The following ZFAT variants were observed in gnomAD, a reference collection of about 807,000 sequenced individuals.
The protein encoded by ZFAT is zinc finger and AT-hook domain containing.
ZFAT carries 64 observed loss-of-function variants against 117.7 expected under a neutral mutation model. That is an observed-to-expected ratio of 0.54 (90% CI 0.44 to 0.67). The LOEUF is 0.67. Ranked by LOEUF, ZFAT falls within the 30% of genes least tolerant of loss-of-function variation. ZFAT has a pLI of 0.00. For missense variants in ZFAT, 1,433 were observed against 1,584.5 expected, an observed-to-expected ratio of 0.90 and a Z score of 1.62; for synonymous variants, 679 against 615.0, an observed-to-expected ratio of 1.10 and a Z score of -1.54.
intron 1 of ZFAT, among the ~76,000 whole-genome samples, chr8:134,699,526 A>G (rs1378715853): frequency 6.6e-6 from 1 of 152,122 alleles, no homozygotes; most frequent in Admixed American, 6.5e-5. Flanking sequence ...ATTAAATTAA[A>G]TGAGGTAGGG....
chr8:134,696,922 T>G, intron 1 of ZFAT, among the ~76,000 whole-genome samples: 1 of 148,802 alleles, frequency 6.7e-6, no homozygotes, highest in East Asian at 2.0e-4. Flanking sequence ...ATCCAACAAT[T>G]TTTTTTTTTT....
intron 13 of ZFAT, among the ~76,000 whole-genome samples, chr8:134,518,171 T>A (rs1317039736): frequency 6.6e-6 from 1 of 152,200 alleles, no homozygotes; most frequent in Non-Finnish European, 1.5e-5. Context: ...TCCTTCTACA[T>A]TTATTAATCA....
intron 1 of ZFAT, among the ~76,000 whole-genome samples, chr8:134,697,705 C>T (rs1453124312): frequency 2.0e-4 from 30 of 149,332 alleles, no homozygotes; most frequent in Admixed American, 1.9e-3. Flanking sequence ...CCAGCCTGGG[C>T]GACAGAGCGA....
rs566334464 is a variant in ZFAT at position 134,602,276 on chromosome 8, G to A, written c.1443C>T (p.His481=). Reference sequence around the variant, plus strand: ...AGACCAAGGCCTCCTGGGCAGCCCCGTGCACCTCTTTGATGTGGGTGCGCA... The same window carrying A: ...AGACCAAGGCCTCCTGGGCAGCCCCATGCACCTCTTTGATGTGGGTGCGCA... ...IRLRTHIKEV[H]GAAQEALVFT... The change falls in exon 6 of 16, where the codon CAC becomes CAT. Residue 481 remains histidine, a synonymous_variant. Transcript: ENST00000377838. 7.9e-5 allele frequency: 128 copies of A among 1,613,862 alleles called. 2 individuals carry two copies. In the South Asian group the frequency reaches 1.0e-3, roughly 13 times the overall value.
chr8:134,592,839 A>C (rs1314394038), intron 7 of ZFAT, among the ~76,000 whole-genome samples: 1 of 152,210 alleles, frequency 6.6e-6, no homozygotes, highest in Non-Finnish European at 1.5e-5. Flanking sequence ...AACCAAAACC[A>C]AACCAAACCA....
At chr8:134,761,978 C>CTGTGTGTGTGTGTGTG in the ZFAT span, among the ~76,000 whole-genome samples, 1 of 71,204 alleles carries the variant, frequency 1.4e-5, no homozygotes, top group African/African-American at 8.2e-5. Flanking sequence ...CTCTTTCTCT[C>CTGTGTGTGTGTGTGTG]TGTATGTGTG....
the ZFAT span, among the ~76,000 whole-genome samples, chr8:134,811,085 G>A: frequency 1.3e-5 from 2 of 152,076 alleles, no homozygotes; most frequent in Non-Finnish European, 2.9e-5. Flanking sequence ...AGTACACAGG[G>A]ACCAAAAACA....
At chr8:134,623,817 G>A (rs1431902339) in intron 3 of ZFAT, among the ~76,000 whole-genome samples, 2 of 151,480 alleles carry the variant, frequency 1.3e-5, no homozygotes, top group East Asian at 1.9e-4. Flanking sequence ...TTCAGTGCTC[G>A]ACGTCTCTGT....
At chr8:134,795,150 C>T in the ZFAT span, 1 of 152,236 alleles carries the variant, frequency 6.6e-6, no homozygotes, top group African/African-American at 2.4e-5. Context: ...TCCTAAAGCC[C>T]TTGGAATCTC....
intron 1 of ZFAT, among the ~76,000 whole-genome samples, chr8:134,672,692 T>G (rs1832618739): frequency 6.6e-6 from 1 of 152,214 alleles, no homozygotes; most frequent in Non-Finnish European, 1.5e-5. Flanking sequence ...TTTATCATCA[T>G]ATACAATGGA....
chr8:134,671,597 C>T (rs1027402573), intron 1 of ZFAT, among the ~76,000 whole-genome samples: 4 of 152,142 alleles, frequency 2.6e-5, no homozygotes, highest in Non-Finnish European at 4.4e-5. Flanking sequence ...ATTGATGGGA[C>T]GTATCTCAAA....
chr8:134,623,605 G>A (rs1829287914), intron 3 of ZFAT, among the ~76,000 whole-genome samples: 1 of 152,196 alleles, frequency 6.6e-6, no homozygotes, highest in Admixed American at 6.5e-5. Flanking sequence ...CAGGTCCTGT[G>A]AACTGCACTT....
At chr8:134,694,623 T>C (rs1254642389) in intron 1 of ZFAT, among the ~76,000 whole-genome samples, 1 of 152,194 alleles carries the variant, frequency 6.6e-6, no homozygotes, top group Non-Finnish European at 1.5e-5. Context: ...GCCATCCTCC[T>C]AGTTCATTTG....
the ZFAT span, among the ~76,000 whole-genome samples, chr8:134,805,478 T>G: frequency 6.6e-6 from 1 of 152,128 alleles, no homozygotes; most frequent in African/African-American, 2.4e-5. Context: ...TCCAGCTGAT[T>G]TAGGTTAGGG....
chr8:134,641,287 TC>T (rs1311679493), intron 2 of ZFAT, among the ~76,000 whole-genome samples: 1 of 151,910 alleles, frequency 6.6e-6, no homozygotes, highest in African/African-American at 2.4e-5. Context: ...TCCTTCTTCC[TC>T]CCCCTTAACT....
chr8:134,755,817 C>CAAAAAAAA, the ZFAT span, among the ~76,000 whole-genome samples: 26 of 89,942 alleles, frequency 2.9e-4, no homozygotes, highest in African/African-American at 4.6e-4. Flanking sequence ...GACTCCATCT[C>CAAAAAAAA]AAAAAAAAAA....
At chr8:134,816,263 T>C in the ZFAT span, among the ~76,000 whole-genome samples, 2 of 152,200 alleles carry the variant, frequency 1.3e-5, no homozygotes, top group Non-Finnish European at 2.9e-5. Flanking sequence ...ACCTAAAATA[T>C]GAACCTTAAC....
the ZFAT span, among the ~76,000 whole-genome samples, chr8:134,826,613 C>T: frequency 6.6e-6 from 1 of 152,142 alleles, no homozygotes; most frequent in East Asian, 1.9e-4. Context: ...CACCTTACTA[C>T]ATTGATTTTA....
rs1171238606 is a variant in ZFAT at position 134,644,688 on chromosome 8, G to A, written c.197-6976C>T. Among the ~76,000 whole-genome samples, 6 of 151,444 alleles carry A rather than the reference G, an allele frequency of 4.0e-5. No individual in the cohort carries two copies. The East Asian group carries it at 9.7e-4, about 25-fold the overall frequency. On this transcript the variant is annotated intron_variant, in intron 2 of 15. Coordinates refer to ENST00000377838, the MANE Select transcript of ZFAT (RefSeq NM_020863.4). Reference sequence around the variant, plus strand: ...CACATGTGCCCACAACCACACACACGTGCACTTACACATATGCCCACGACA... The same window carrying A: ...CACATGTGCCCACAACCACACACACATGCACTTACACATATGCCCACGACA...
Sources: allele counts gnomAD v4.1 joint callset (sites outside exome capture counted in the v4.1 genomes callset), GRCh38; gene constraint gnomAD v4.1.1; transcripts MANE v1.5; gene names NCBI Gene and HGNC (gene_info 2026-07-23, HGNC 2026-07-21).